The following KCNB2 variants were observed in gnomAD, a reference collection of about 807,000 sequenced individuals.
The protein encoded by KCNB2 is delayed rectifier potassium channel protein.
A neutral mutation model predicts 61.5 loss-of-function variants in KCNB2; 15 were observed. The observed-to-expected ratio is 0.24, with a 90% CI of 0.16 to 0.38. The LOEUF (loss-of-function observed/expected upper bound fraction) is 0.38. KCNB2 is among the 10% of genes least tolerant of loss of function. The pLI, the probability that KCNB2 is intolerant of heterozygous loss-of-function variation, is 1.00. For synonymous variants in KCNB2, 457 were observed against 446.0 expected (o/e 1.02, Z -0.31); for missense variants, 828 against 1,125.2 (o/e 0.74, Z 3.78).
At chr8:72,869,807 A>G (rs1416615069) in intron 2 of KCNB2, among the ~76,000 whole-genome samples, 1 of 152,202 alleles carries the variant, frequency 6.6e-6, no homozygotes, top group Non-Finnish European at 1.5e-5. Flanking sequence ...CTGAAAGTAG[A>G]ACTACCATCT....
chr8:72,725,597 A>ATGTATG (rs1807633067), intron 2 of KCNB2, among the ~76,000 whole-genome samples: 1 of 50,792 alleles, frequency 2.0e-5, no homozygotes, highest in African/African-American at 5.3e-5. Flanking sequence ...GTATGTATAT[A>ATGTATG]TATATATATA....
intron 2 of KCNB2, among the ~76,000 whole-genome samples, chr8:72,636,617 T>C (rs962060323): frequency 6.6e-6 from 1 of 152,122 alleles, no homozygotes; most frequent in African/African-American, 2.4e-5. Context: ...TCAGAGAGGT[T>C]AAGTAACTTA....
intron 2 of KCNB2, among the ~76,000 whole-genome samples, chr8:72,858,957 G>T (rs893380754): frequency 1.3e-5 from 2 of 152,178 alleles, no homozygotes; most frequent in Non-Finnish European, 2.9e-5. Flanking sequence ...TTCAAGAATG[G>T]AGCTTCTAAT....
intron 2 of KCNB2, among the ~76,000 whole-genome samples, chr8:72,720,634 G>C (rs912504112): frequency 2.0e-5 from 3 of 152,034 alleles, no homozygotes; most frequent in African/African-American, 7.3e-5. Flanking sequence ...CCCCTACTCA[G>C]TCATGGGTCC....
At chr8:72,609,420 G>A (rs934979831) in intron 2 of KCNB2, among the ~76,000 whole-genome samples, 20 of 152,294 alleles carry the variant, frequency 1.3e-4, no homozygotes, top group Admixed American at 1.3e-3. Context: ...TCCGTTAGAA[G>A]TGAGTTACAT....
chr8:72,542,355 G>C (rs893206892), intron 1 of KCNB2, among the ~76,000 whole-genome samples: 1 of 151,970 alleles, frequency 6.6e-6, no homozygotes, highest in Non-Finnish European at 1.5e-5. Context: ...CCTACAATTG[G>C]CTTATTAGAT....
At chr8:72,736,390 C>T (rs1256435963) in intron 2 of KCNB2, among the ~76,000 whole-genome samples, 1 of 151,968 alleles carries the variant, frequency 6.6e-6, no homozygotes, top group Non-Finnish European at 1.5e-5. Flanking sequence ...TGTCTCCTAC[C>T]TTGGTTTTAT....
chr8:72,641,888 G>A (rs1033526813), intron 2 of KCNB2, among the ~76,000 whole-genome samples: 1 of 152,158 alleles, frequency 6.6e-6, no homozygotes, highest in Admixed American at 6.6e-5. Context: ...ACTAACTGCA[G>A]TACCAGGAAT....
chr8:72,769,566 G>A (rs1808527045), intron 2 of KCNB2, among the ~76,000 whole-genome samples: 1 of 152,202 alleles, frequency 6.6e-6, no homozygotes, highest in Admixed American at 6.5e-5. Context: ...GAAGGAAATG[G>A]CAGTGGAATG....
At chr8:72,582,132 A>G (rs1470995378) in intron 2 of KCNB2, among the ~76,000 whole-genome samples, 1 of 152,208 alleles carries the variant, frequency 6.6e-6, no homozygotes, top group Non-Finnish European at 1.5e-5. Flanking sequence ...CATGAAGCAG[A>G]CTTATTACTT....
chr8:72,933,337 C>T (rs944052425), intron 2 of KCNB2, among the ~76,000 whole-genome samples: 9 of 152,212 alleles, frequency 5.9e-5, no homozygotes, highest in African/African-American at 1.9e-4. Context: ...GGACTGAAGG[C>T]CCCCTTGGAC....
At chr8:72,672,565 C>A (rs1293425901) in intron 2 of KCNB2, among the ~76,000 whole-genome samples, 1 of 152,106 alleles carries the variant, frequency 6.6e-6, no homozygotes, top group Non-Finnish European at 1.5e-5. Flanking sequence ...GTCCTATTAT[C>A]ATTCACTGAT....
intron 2 of KCNB2, among the ~76,000 whole-genome samples, chr8:72,830,941 A>G (rs1236265939): frequency 6.6e-6 from 1 of 152,252 alleles, no homozygotes; most frequent in Admixed American, 6.5e-5. Flanking sequence ...AGGTTTACCA[A>G]AGCTTTAGCT....
intron 2 of KCNB2, among the ~76,000 whole-genome samples, chr8:72,900,417 C>G (rs1001517448): frequency 6.6e-6 from 1 of 151,996 alleles, no homozygotes; most frequent in Admixed American, 6.6e-5. Flanking sequence ...AGGAAATACC[C>G]CTCTCAATGT....
At chr8:72,559,023 G>A (rs983942047) in intron 1 of KCNB2, among the ~76,000 whole-genome samples, 1 of 152,170 alleles carries the variant, frequency 6.6e-6, no homozygotes, top group African/African-American at 2.4e-5. Context: ...GAGAGAGAGG[G>A]CTGGGGGGAG....
chr8:72,712,480 T>G (rs937690671), intron 2 of KCNB2, among the ~76,000 whole-genome samples: 1 of 152,196 alleles, frequency 6.6e-6, no homozygotes, highest in African/African-American at 2.4e-5. Flanking sequence ...TAACTTTTAG[T>G]TGGATAATGT....
At chr8:72,929,398 T>C (rs1444127989) in intron 2 of KCNB2, among the ~76,000 whole-genome samples, 2 of 152,182 alleles carry the variant, frequency 1.3e-5, no homozygotes, top group Non-Finnish European at 2.9e-5. Flanking sequence ...TGTCTGTGTC[T>C]AAGTGAAGAA....
chr8:72,557,721 T>G (rs1225311038), intron 1 of KCNB2, among the ~76,000 whole-genome samples: 1 of 152,198 alleles, frequency 6.6e-6, no homozygotes, highest in Non-Finnish European at 1.5e-5. Flanking sequence ...GAGCTTCTCT[T>G]GTGCATACCT....
chr8:72,749,419 A>T (rs894260463), intron 2 of KCNB2: 4 of 152,104 alleles, frequency 2.6e-5, no homozygotes, highest in African/African-American at 7.2e-5. Context: ...AGTGGCCTGA[A>T]CCAGTCATTT....
Sources: allele counts gnomAD v4.1 joint callset (sites outside exome capture counted in the v4.1 genomes callset), GRCh38; gene constraint gnomAD v4.1.1; transcripts MANE v1.5; gene names NCBI Gene and HGNC (gene_info 2026-07-23, HGNC 2026-07-21).